The following CFAP44 variants were observed in gnomAD, a reference collection of about 807,000 sequenced individuals.
CFAP44 encodes the protein cilia and flagella associated protein 44, also known as cilia- and flagella-associated protein 44.
A neutral mutation model predicts 216.2 loss-of-function variants in CFAP44; 134 were observed. That is an observed-to-expected ratio of 0.62 (90% CI 0.54 to 0.72). The LOEUF (loss-of-function observed/expected upper bound fraction) is 0.72, where lower values mean the gene tolerates loss of function less well. CFAP44 is among the 30% of genes least tolerant of loss of function. CFAP44 has a pLI of 0.00. For synonymous variants in CFAP44, 700 were observed against 727.6 expected (o/e 0.96, Z 0.61); for missense variants, 2,035 against 2,182.1 (o/e 0.93, Z 1.34).
chr3:113,303,046 A>T (rs1949953546), intron 32 of CFAP44, among the ~76,000 whole-genome samples: 1 of 152,224 alleles, frequency 6.6e-6, no homozygotes, highest in African/African-American at 2.4e-5. Flanking sequence ...GTAATTTAAC[A>T]TCTCACAGGC....
intron 33 of CFAP44, among the ~76,000 whole-genome samples, chr3:113,296,039 A>T (rs1026373418): frequency 3.9e-5 from 6 of 152,004 alleles, no homozygotes; most frequent in African/African-American, 1.4e-4. Context: ...TAATTTTTCA[A>T]CCCTCACCCC....
At chr3:113,309,057 C>CA (rs1395037931) in intron 28 of CFAP44, among the ~76,000 whole-genome samples, 1 of 152,198 alleles carries the variant, frequency 6.6e-6, no homozygotes, top group Non-Finnish European at 1.5e-5. Context: ...ATCATGTTGA[C>CA]AAAGACTCTC....
intron 8 of CFAP44, among the ~76,000 whole-genome samples, chr3:113,404,430 T>C (rs577426374): frequency 2.9e-4 from 44 of 152,320 alleles, no homozygotes; most frequent in African/African-American, 1.0e-3. Flanking sequence ...TATAGCATAA[T>C]AGTATCCAAT....
intron 12 of CFAP44, among the ~76,000 whole-genome samples, chr3:113,400,213 A>G (rs1934104912): frequency 6.6e-6 from 1 of 152,174 alleles, no homozygotes; most frequent in Non-Finnish European, 1.5e-5. Flanking sequence ...TGCTGGGTCA[A>G]TTTCACCTTG....
At chr3:113,319,684 T>A (rs562256824) in intron 28 of CFAP44, among the ~76,000 whole-genome samples, 1 of 152,266 alleles carries the variant, frequency 6.6e-6, no homozygotes, top group Admixed American at 6.5e-5. Context: ...ACATGCTTGG[T>A]CATAAAGCAA....
intron 34 of CFAP44, among the ~76,000 whole-genome samples, chr3:113,291,962 T>C (rs1949833706): frequency 6.6e-6 from 1 of 152,204 alleles, no homozygotes; most frequent in Non-Finnish European, 1.5e-5. Flanking sequence ...GTGCAAATCC[T>C]CTTTGGATGA....
intron 32 of CFAP44, among the ~76,000 whole-genome samples, chr3:113,300,702 A>G (rs910799755): frequency 6.6e-6 from 1 of 152,046 alleles, no homozygotes; most frequent in Non-Finnish European, 1.5e-5. Flanking sequence ...ACATGAACAG[A>G]CATTTTATAG....
At chr3:113,294,385 C>T (rs1398841515) in intron 34 of CFAP44, 24 of 346,912 alleles carry the variant, frequency 6.9e-5, no homozygotes, top group East Asian at 3.9e-4. Context: ...AAACCCAGGG[C>T]GTATAATGGT....
chr3:113,368,282 T>C (rs940639903), intron 18 of CFAP44, among the ~76,000 whole-genome samples: 2 of 152,020 alleles, frequency 1.3e-5, no homozygotes, highest in African/African-American at 4.8e-5. Flanking sequence ...CCAAGACACA[T>C]AATTGTCAGA....
At chr3:113,414,075 A>T (rs935739353) in intron 6 of CFAP44, among the ~76,000 whole-genome samples, 6 of 152,266 alleles carry the variant, frequency 3.9e-5, no homozygotes, top group African/African-American at 1.4e-4. Flanking sequence ...GGTCCTTCAC[A>T]TCCCTTGTTA....
chr3:113,408,773 G>A (rs1272520791), intron 7 of CFAP44, among the ~76,000 whole-genome samples: 1 of 148,996 alleles, frequency 6.7e-6, no homozygotes, highest in East Asian at 2.0e-4. Flanking sequence ...TGAGGCAGGA[G>A]AATCGCTTGA....
chr3:113,396,389 A>G (rs1167881798), intron 14 of CFAP44, 129 bp downstream of exon 14: 5 of 1,079,960 alleles, frequency 4.6e-6, no homozygotes, highest in Non-Finnish European at 6.5e-6. Context: ...ATGACTACAA[A>G]GAAAGCAAAA....
rs115405123 is a variant in CFAP44 at position 113,348,941 on chromosome 3, A to T, written c.3066-4229T>A. Among the ~76,000 whole-genome samples the T allele has an allele frequency of 8.5e-3, 1,300 of 152,270 alleles. 22 individuals are homozygous for T. The highest frequency in any genetic ancestry group is 0.03 in the African/African-American group (1,244 of 41,536). The stretch of plus-strand genomic sequence containing the variant: ...AGAATGCAGCTTTAGCTACAACCTG[A>T]GAGTTGGAGATACCTGGTATCTTAG... On this transcript the variant is annotated intron_variant, in intron 22 of 34. Transcript: ENST00000393845.
chr3:113,403,837 A>G lies in CFAP44; in HGVS notation c.1170+15T>C, dbSNP rs751039024. The G allele has an allele frequency of 6.2e-7, 1 of 1,609,270 alleles. No homozygotes were observed. The highest frequency in any genetic ancestry group is 2.2e-5 in the East Asian group (1 of 44,712). On this transcript the variant is annotated intron_variant, in intron 9 of 34. Transcript: ENST00000393845. ...TAAACGTGGGTGCTACCATCCAAGT[A>G]TCGAGAAAACTTACCCTAACATATC...
chr3:113,393,672 T>C (rs1221715433), intron 15 of CFAP44, among the ~76,000 whole-genome samples: 1 of 151,854 alleles, frequency 6.6e-6, no homozygotes, highest in Non-Finnish European at 1.5e-5. Context: ...TGCACCACCA[T>C]ACCTGGCTAA....
chr3:113,378,377 C>T (rs1181671690), intron 17 of CFAP44, among the ~76,000 whole-genome samples: 2 of 152,120 alleles, frequency 1.3e-5, no homozygotes, highest in Non-Finnish European at 2.9e-5. Context: ...AAAGGATGTC[C>T]TATGATGTCT....
chr3:113,408,291 G>A (rs1011681965), intron 7 of CFAP44, among the ~76,000 whole-genome samples: 5 of 152,292 alleles, frequency 3.3e-5, no homozygotes, highest in Admixed American at 2.6e-4. Context: ...GGAAATAGAC[G>A]AGGGTATGAT....
Position 113,289,601 on chromosome 3 carries a change from T to C in CFAP44, c.*1956A>G, listed in dbSNP as rs138633846. 1 of 152,278 alleles carries C rather than the reference T, an allele frequency of 6.6e-6. No individual in the cohort carries two copies. Among genetic ancestry groups the C allele is most frequent in the Non-Finnish European group, 1.5e-5 (1 of 68,084 alleles). 9.4% of individuals were successfully genotyped at this position (152,278 alleles called of 1,614,324 possible). On this transcript the variant is annotated 3_prime_UTR_variant, in exon 35 of 35. Coordinates refer to ENST00000393845, the MANE Select transcript of CFAP44 (RefSeq NM_001164496.2). Reference sequence around the variant, plus strand: ...ACTCTCTCCAGGCAGCTGCTTCTTGTGGCTGCCAGCTCCCACGAAGGCCCC... The same window carrying C: ...ACTCTCTCCAGGCAGCTGCTTCTTGCGGCTGCCAGCTCCCACGAAGGCCCC...
intron 14 of CFAP44, among the ~76,000 whole-genome samples, chr3:113,396,080 A>G (rs980250704): frequency 1.3e-5 from 2 of 152,222 alleles, no homozygotes; most frequent in African/African-American, 4.8e-5. Flanking sequence ...AAATATGATC[A>G]CCATACTTTC....
Sources: gnomAD v4.1 joint callset for allele counts (sites outside exome capture counted in the v4.1 genomes callset) on GRCh38, gnomAD v4.1.1 for gene constraint, MANE v1.5 for transcripts, NCBI Gene and HGNC (gene_info 2026-07-23, HGNC 2026-07-21) for gene names.